The following SNX29 variants were observed in gnomAD, a reference collection of about 807,000 sequenced individuals.
SNX29 encodes the protein sorting nexin-29.
SNX29 carries 78 observed loss-of-function variants against 102.1 expected under a neutral mutation model. The ratio of observed to expected loss-of-function variants is 0.76; its 90% CI spans 0.64 to 0.92. The LOEUF is 0.92. Ranked by LOEUF, SNX29 falls within the 40% of genes least tolerant of loss-of-function variation. The pLI is 0.00. For missense variants in SNX29, 1,280 were observed against 1,061.7 expected (o/e 1.21, Z -2.86); for synonymous variants, 580 against 414.5 (o/e 1.40, Z -4.85).
intron 11 of SNX29, among the ~76,000 whole-genome samples, chr16:12,101,367 A>G (rs1327914053): frequency 1.5e-5 from 2 of 135,064 alleles, no homozygotes; most frequent in African/African-American, 5.9e-5. Context: ...CTCCTACTAA[A>G]TGGTTGACCC....
intron 7 of SNX29, among the ~76,000 whole-genome samples, chr16:12,051,332 T>TAA (rs372899414): frequency 0.01 from 1,398 of 138,148 alleles, 30 homozygotes; most frequent in African/African-American, 0.032. Context: ...CCCCAACTCT[T>TAA]AAAAAAAAAA....
intron 13 of SNX29, among the ~76,000 whole-genome samples, chr16:12,197,475 G>A (rs753709811): frequency 6.6e-6 from 1 of 152,164 alleles, no homozygotes; most frequent in Non-Finnish European, 1.5e-5. Flanking sequence ...GGAGGCTGAG[G>A]CAGGAGAATT....
At chr16:12,427,977 C>T (rs2085152745) in intron 18 of SNX29, among the ~76,000 whole-genome samples, 1 of 152,188 alleles carries the variant, frequency 6.6e-6, no homozygotes, top group African/African-American at 2.4e-5. Context: ...GCCAAATGTG[C>T]CTTTTGCCTT....
At chr16:12,201,732 C>A (rs2076919849) in intron 14 of SNX29, among the ~76,000 whole-genome samples, 2 of 152,178 alleles carry the variant, frequency 1.3e-5, no homozygotes, top group South Asian at 4.1e-4. Flanking sequence ...GACCTGTGGA[C>A]AGCACCACCA....
At chr16:12,167,537 A>G (rs1224786035) in intron 13 of SNX29, among the ~76,000 whole-genome samples, 1 of 152,206 alleles carries the variant, frequency 6.6e-6, no homozygotes, top group African/African-American at 2.4e-5. Flanking sequence ...TTAATTGCCC[A>G]GGGTTGGGAG....
chr16:12,027,257 G>T, intron 3 of SNX29, 63 bp from the exon 4 acceptor site: 1 of 1,598,620 alleles, frequency 6.3e-7, no homozygotes, highest in Non-Finnish European at 8.5e-7. Context: ...TGGAGATGCT[G>T]GGGCCGCCCT....
chr16:12,553,675 C>T (rs990005897), intron 20 of SNX29, among the ~76,000 whole-genome samples: 6 of 148,572 alleles, frequency 4.0e-5, no homozygotes, highest in African/African-American at 1.5e-4. Context: ...ACTGCAACCT[C>T]CGCCTCCTGG....
At chr16:12,419,350 G>A (rs1365523476) in intron 18 of SNX29, among the ~76,000 whole-genome samples, 14 of 152,082 alleles carry the variant, frequency 9.2e-5, no homozygotes, top group Admixed American at 5.9e-4. Context: ...TTTAAGGCAG[G>A]GCTCCTCCAA....
At chr16:12,363,989 A>G (rs777051764) in intron 16 of SNX29, among the ~76,000 whole-genome samples, 3 of 151,978 alleles carry the variant, frequency 2.0e-5, no homozygotes, top group Non-Finnish European at 4.4e-5. Context: ...TTGTATCACT[A>G]TATATACTTT....
At chr16:12,463,618 C>T (rs1397661174) in intron 18 of SNX29, among the ~76,000 whole-genome samples, 3 of 152,160 alleles carry the variant, frequency 2.0e-5, no homozygotes, top group Non-Finnish European at 4.4e-5. Context: ...ATGGGAGCTA[C>T]AATTCAAGAT....
In SNX29 at chr16:12,471,953, A is replaced by G. The variant is rs542322417; in HGVS notation, c.2038-5766A>G. 8.5e-5 allele frequency among the ~76,000 whole-genome samples: 13 copies of G among 152,378 alleles called. No homozygotes were observed. The South Asian group carries it at 1.4e-3, about 17-fold the overall frequency. On this transcript the variant is annotated intron_variant, in intron 18 of 20. Transcript: ENST00000566228. The stretch of plus-strand genomic sequence containing the variant: ...GATTTCACTTTTCACACTGAGGTCT[A>G]TGACTGCAAAAGACACAAGTGCAAA...
intron 15 of SNX29, among the ~76,000 whole-genome samples, chr16:12,322,199 G>C (rs1431311324): frequency 6.6e-6 from 1 of 152,182 alleles, no homozygotes; most frequent in Non-Finnish European, 1.5e-5. Context: ...CATAAGGCCA[G>C]TCACGCTAGT....
chr16:12,059,806 A>T (rs1243580745), intron 8 of SNX29, among the ~76,000 whole-genome samples: 1 of 152,198 alleles, frequency 6.6e-6, no homozygotes, highest in African/African-American at 2.4e-5. Flanking sequence ...CATAAAGACA[A>T]ACTATATAAG....
At chr16:12,298,127 G>A (rs2080042809) in intron 15 of SNX29, among the ~76,000 whole-genome samples, 1 of 152,220 alleles carries the variant, frequency 6.6e-6, no homozygotes, top group Admixed American at 6.5e-5. Context: ...CTGTGATTGT[G>A]CCACTGCACT....
At chr16:12,130,570 C>T (rs192141006) in intron 13 of SNX29, among the ~76,000 whole-genome samples, 14 of 151,452 alleles carry the variant, frequency 9.2e-5, no homozygotes, top group African/African-American at 2.4e-4. Flanking sequence ...TATATATGCA[C>T]GTGGTTCAAA....
intron 20 of SNX29, among the ~76,000 whole-genome samples, chr16:12,554,297 TGAG>T (rs1476273740): frequency 6.6e-6 from 1 of 152,234 alleles, no homozygotes; most frequent in Non-Finnish European, 1.5e-5. Context: ...TTGCTTCATA[TGAG>T]GTTTCAGTTT....
At chr16:12,133,395 A>G (rs898447532) in intron 13 of SNX29, among the ~76,000 whole-genome samples, 22 of 147,238 alleles carry the variant, frequency 1.5e-4, no homozygotes, top group African/African-American at 4.6e-4. Flanking sequence ...GGCTCAAGCA[A>G]TTCTCCCACT....
chr16:12,344,798 G>A (rs1424533709), intron 15 of SNX29, among the ~76,000 whole-genome samples: 2 of 152,318 alleles, frequency 1.3e-5, no homozygotes, highest in Admixed American at 6.5e-5. Context: ...GGAGGCCAAC[G>A]CTGCGCTGCC....
At chr16:12,494,004 G>A (rs1260325792) in intron 19 of SNX29, among the ~76,000 whole-genome samples, 1 of 152,076 alleles carries the variant, frequency 6.6e-6, no homozygotes, top group East Asian at 1.9e-4. Flanking sequence ...TGTGTCCTTT[G>A]GCTATTTTTC....
Sources: allele counts gnomAD v4.1 joint callset (sites outside exome capture counted in the v4.1 genomes callset), GRCh38; gene constraint gnomAD v4.1.1; transcripts MANE v1.5; gene names NCBI Gene and HGNC (gene_info 2026-07-23, HGNC 2026-07-21).